Variants in CPSF1 observed in about 807,000 individuals in gnomAD.
The protein encoded by CPSF1 is cleavage and polyadenylation specificity factor subunit 1.
In CPSF1, 106 loss-of-function variants were observed where a neutral mutation model predicts 175.8. That is an observed-to-expected ratio of 0.60 (90% CI 0.52 to 0.71). CPSF1 has a LOEUF of 0.71. Among genes scored for constraint, CPSF1 ranks in the 30% least tolerant of loss-of-function variants. The pLI is 0.00. For missense variants in CPSF1, 1,734 were observed against 2,022.9 expected, an observed-to-expected ratio of 0.86 and a Z score of 2.74; for synonymous variants, 1,024 against 858.3, an observed-to-expected ratio of 1.19 and a Z score of -3.37.
Position 144,400,709 on chromosome 8 carries a change from G to A in CPSF1, c.648C>T (p.Thr216=), listed in dbSNP as rs1821152959. The change falls in exon 7 of 38, where the codon ACC becomes ACT. Residue 216 remains threonine, a synonymous_variant. Coordinates refer to ENST00000616140, the MANE Select transcript of CPSF1 (RefSeq NM_013291.3). ...LQFLHGYYEP[T]LLILFEPNQT... Reference sequence around the variant, plus strand: ...GGTTGGGCTCAAACAGGATGAGGAGGGTAGGCTCGTAGTAGCCATGCAGGA... The same window carrying A: ...GGTTGGGCTCAAACAGGATGAGGAGAGTAGGCTCGTAGTAGCCATGCAGGA... 2.5e-6 allele frequency: 4 copies of A among 1,611,862 alleles called. No individual in the cohort carries two copies. The highest frequency in any genetic ancestry group is 1.7e-6 in the Non-Finnish European group (2 of 1,179,178).
At position 144,398,508 on chromosome 8, in the gene CPSF1, CAGGCCCT is replaced by C. The variant is rs1820943602; in HGVS notation, c.1752+10_1752+16del. 1 of 1,613,620 alleles carries C rather than the reference CAGGCCCT, an allele frequency of 6.2e-7. No individual in the cohort carries two copies. Among genetic ancestry groups the C allele is most frequent in the African/African-American group, 1.3e-5 (1 of 74,950 alleles). ...GACCCCAGCCCCAGGTCCCAGGTCC[CAGGCCCT>C]GCCCCTCACCATGGTGGAGTCTTCC... On this transcript the variant is annotated intron_variant, in intron 18 of 37. Transcript: ENST00000616140.
intron 2 of CPSF1, among the ~76,000 whole-genome samples, chr8:144,406,395 G>A (rs2116905178): frequency 1.4e-4 from 22 of 152,230 alleles, no homozygotes; most frequent in South Asian, 8.3e-4. Flanking sequence ...ACCCAGTGTC[G>A]AGTCCCTCCC....
At chr8:144,396,548 G>A in intron 25 of CPSF1, 48 bp from the exon 26 acceptor site, 4 of 1,608,432 alleles carry the variant, frequency 2.5e-6, no homozygotes, top group Non-Finnish European at 3.4e-6. Flanking sequence ...TGCTGCGGAT[G>A]AGGCCGCGTC....
At chr8:144,400,641 A>T (rs2116876965) in intron 7 of CPSF1, 30 bp downstream of exon 7, 1 of 1,597,596 alleles carries the variant, frequency 6.3e-7, no homozygotes. Flanking sequence ...GGGGGCCCAC[A>T]GTGCAGAGGG....
At chr8:144,407,764 C>G (rs1277323335) in intron 2 of CPSF1, among the ~76,000 whole-genome samples, 1 of 152,206 alleles carries the variant, frequency 6.6e-6, no homozygotes, top group Non-Finnish European at 1.5e-5. Flanking sequence ...TCAGGCCAGT[C>G]CTGAACTCCT....
At chr8:144,397,101 GGCCGTGGGGGAGATGGGGTGGA>G (rs1308519982) in intron 23 of CPSF1, 84 bp downstream of exon 23, 11 of 1,156,376 alleles carry the variant, frequency 9.5e-6, no homozygotes, top group Non-Finnish European at 1.2e-5. Context: ...GAAGGGGCGG[GGCCGTGGGGGAGATGGGGTGGA>G]GCCACGGGAA....
Position 144,399,461 on chromosome 8 carries a change from C to T in CPSF1, c.1285G>A (p.Gly429Ser), listed in dbSNP as rs2116862832. ...CTGGACCGGCCCTCACCTGACCAGC[C>T]GGCCGTCGCATCCACTCGCTTCTTC... The part of the protein sequence containing the change: ...SKKKRVDATA[G>S]WSAAGKSVPQ... Residue 429 changes from glycine to serine, a missense_variant, in exon 13 of 38, where the codon GGC (glycine) becomes AGC (serine). Transcript: ENST00000616140. This position sits in a 1 kb window ranked among gnomAD's most constrained non-coding sequence, Gnocchi z 6.4. The T allele has an allele frequency of 1.4e-5, 22 of 1,612,876 alleles. No individual in the cohort carries two copies. The highest frequency in any genetic ancestry group is 9.9e-5 in the South Asian group (9 of 91,052).
rs782171639 is a variant in CPSF1, at chr8:144,394,140, G to C, written c.3832C>G (p.Leu1278Val). ...TCGGGCAGGTACATGTACACCATGA[G>C]GTTGCGGTCGCGGTCAGACACTGGG... is the stretch of plus-strand genomic sequence containing the variant. ...GFLVSDRDRN[L>V]MVYMYLPEAK... Residue 1278 changes from leucine to valine, a missense_variant, in exon 34 of 38, where the codon CTC (leucine) becomes GTC (valine). Transcript: ENST00000616140. 3.1e-6 allele frequency: 5 copies of C among 1,612,922 alleles called. No homozygotes were observed. The highest frequency in any genetic ancestry group is 1.7e-4 in the Middle Eastern group (1 of 6,058).
intron 2 of CPSF1, among the ~76,000 whole-genome samples, chr8:144,404,387 G>C (rs1373845080): frequency 1.3e-5 from 2 of 149,806 alleles, no homozygotes; most frequent in East Asian, 3.9e-4. Context: ...TTTTTTTTGA[G>C]ACGGAGTCTT....
intron 5 of CPSF1, 67 bp from the exon 6 acceptor site, chr8:144,401,142 A>G (rs868953697): frequency 6.6e-6 from 10 of 1,510,200 alleles, no homozygotes; most frequent in Non-Finnish European, 8.9e-6. Flanking sequence ...TTGGGGCCAC[A>G]GAACCCAGCT....
chr8:144,400,773 G>T lies in CPSF1; in HGVS notation c.584C>A (p.Ala195Asp). The T allele has an allele frequency of 6.2e-7, 1 of 1,613,896 alleles. No individual in the cohort carries two copies. Among genetic ancestry groups the T allele is most frequent in the Non-Finnish European group, 8.5e-7 (1 of 1,179,960 alleles). Residue 195 changes from alanine (A) to aspartate (D), a missense_variant, in exon 7 of 38, where the codon GCC becomes GAC. Physicochemically the swap from Ala to Asp is moderately radical, Grantham distance 126. Transcript: ENST00000616140. ...GATGTTGAGCAGCTTCTCGTCTAGG[G>T]CCCGCACGTCGATGATGTAGCTGGG... ...FLPSYIIDVR[A>D]LDEKLLNIID...
Position 144,393,367 on chromosome 8 carries a change from TGCAGGGGATGGAA to T in CPSF1, c.4285-15_4285-3del. The T allele has an allele frequency of 1.0e-6, 1 of 1,003,586 alleles. No individual in the cohort carries two copies. The highest frequency in any genetic ancestry group is 1.3e-6 in the Non-Finnish European group (1 of 761,088). The allele number at this position is 1,003,586 out of a possible 1,614,324, so 62.2% of individuals were successfully genotyped here. ...CGTCTCCAGCAAGTCGTCCAGGATC[TGCAGGGGATGGAA>T]GGGTGGGTGGGTGGGTGGGTGGGGA... On this transcript the variant is annotated splice_polypyrimidine_tract_variant and splice_region_variant and intron_variant, in intron 37 of 37. Transcript: ENST00000616140.
At chr8:144,405,414 G>C (rs1320798647) in intron 2 of CPSF1, among the ~76,000 whole-genome samples, 14 of 152,218 alleles carry the variant, frequency 9.2e-5, no homozygotes, top group African/African-American at 3.4e-4. Flanking sequence ...CTTGAGGTCA[G>C]GAGTTCGAGA....
At chr8:144,407,970 C>T (rs2116909817) in intron 2 of CPSF1, among the ~76,000 whole-genome samples, 3,585 of 152,300 alleles carry the variant, frequency 0.024, 142 homozygotes, top group African/African-American at 0.082. Context: ...GGCCTCCTGC[C>T]AATAGTGTGT....
At chr8:144,396,167 T>G (rs2130760400) in intron 26 of CPSF1, 181 bp downstream of exon 26, 1 of 670,532 alleles carries the variant, frequency 1.5e-6, no homozygotes, top group East Asian at 2.8e-5. Context: ...ACCACCCCTT[T>G]CCAGACCTTT....
Position 144,398,140 on chromosome 8 carries a change from C to T in CPSF1, c.1895-8G>A, listed in dbSNP as rs1230789685. On this transcript the variant is annotated splice_polypyrimidine_tract_variant and splice_region_variant and intron_variant, in intron 19 of 37. Coordinates refer to ENST00000616140, the MANE Select transcript of CPSF1 (RefSeq NM_013291.3). ...TGAAGTGCAGCTGATTCACTGTAGG[C>T]ATGGGGCAGTCAGCATGCGCCTCCC... is the stretch of plus-strand genomic sequence containing the variant. 8.1e-6 allele frequency: 12 copies of T among 1,476,948 alleles called. No homozygotes were observed. Among genetic ancestry groups the T allele is most frequent in the Non-Finnish European group, 9.9e-6 (11 of 1,109,062 alleles). 91.5% of individuals were successfully genotyped at this position (1,476,948 alleles called of 1,614,324 possible). A position where few individuals can be genotyped will look rare whatever the true frequency, so the allele number is the denominator to read the frequency against.
At chr8:144,393,422 GGGC>G (rs1564681323) in intron 37 of CPSF1, 27 bp downstream of exon 37, 1 of 1,525,860 alleles carries the variant, frequency 6.6e-7, no homozygotes, top group Admixed American at 2.0e-5. Context: ...CGGAGGGGCG[GGGC>G]GCGCGGGGGG....
intron 9 of CPSF1, 38 bp downstream of exon 9, chr8:144,400,128 T>TGCC: frequency 1.1e-6 from 1 of 909,856 alleles, no homozygotes; most frequent in Non-Finnish European, 1.5e-6. Context: ...GCCCAAGCCG[T>TGCC]CCCCGGGCCC....
Position 144,393,872 on chromosome 8 carries a change from C to T in CPSF1, c.4015+11G>A, listed in dbSNP as rs1554862425. ...CCCCCCACCCAGACACACCTGCTCC[C>T]CCACACTCACCAAACCACGTGATGT... On this transcript the variant is annotated intron_variant, in intron 35 of 37. Coordinates refer to ENST00000616140, the MANE Select transcript of CPSF1 (RefSeq NM_013291.3). 1.2e-6 allele frequency: 2 copies of T among 1,606,844 alleles called. No homozygotes were observed. The highest frequency in any genetic ancestry group is 1.7e-6 in the Non-Finnish European group (2 of 1,177,336).
Sources: gnomAD v4.1 joint callset for allele counts (sites outside exome capture counted in the v4.1 genomes callset) on GRCh38, gnomAD v4.1.1 for gene constraint, Gnocchi (gnomAD v3.1) non-coding constraint, MANE v1.5 for transcripts, NCBI Gene and HGNC (gene_info 2026-07-23, HGNC 2026-07-21) for gene names.